EXOC6B: variants seen among roughly 807,000 people sequenced by gnomAD.
The protein encoded by EXOC6B is SEC15 homolog B.
EXOC6B carries 54 observed loss-of-function variants against 113.5 expected under a neutral mutation model. The ratio of observed to expected loss-of-function variants is 0.48; its 90% CI spans 0.38 to 0.60. EXOC6B has a LOEUF of 0.60. EXOC6B is among the 20% of genes least tolerant of loss of function. The probability of loss-of-function intolerance (pLI) is 0.00; values close to 1 mark genes in which losing one functional copy is unlikely to be tolerated. For missense variants in EXOC6B, 797 were observed against 977.5 expected, an observed-to-expected ratio of 0.82 and a Z score of 2.46; for synonymous variants, 357 against 339.0, an observed-to-expected ratio of 1.05 and a Z score of -0.58.
intron 20 of EXOC6B, among the ~76,000 whole-genome samples, chr2:72,223,983 A>G (rs1039979203): frequency 2.6e-5 from 4 of 152,174 alleles, no homozygotes; most frequent in African/African-American, 9.7e-5. Context: ...TTGTTTATAA[A>G]CACAGCCACT....
At chr2:72,603,814 A>G (rs1482238394) in intron 6 of EXOC6B, among the ~76,000 whole-genome samples, 1 of 152,142 alleles carries the variant, frequency 6.6e-6, no homozygotes, top group South Asian at 2.1e-4. Context: ...GGCACTTTAT[A>G]TCTTGGCTCA....
intron 16 of EXOC6B, among the ~76,000 whole-genome samples, chr2:72,489,188 T>G (rs1057048830): frequency 2.6e-5 from 4 of 152,212 alleles, no homozygotes; most frequent in African/African-American, 9.6e-5. Context: ...CTTCTCTCCA[T>G]AGCATTCACT....
At chr2:72,717,726 T>C (rs1235675833) in intron 6 of EXOC6B, among the ~76,000 whole-genome samples, 1 of 152,182 alleles carries the variant, frequency 6.6e-6, no homozygotes, top group East Asian at 1.9e-4. Context: ...CTTGCTTACG[T>C]AGTAAATAAT....
intron 5 of EXOC6B, among the ~76,000 whole-genome samples, chr2:72,729,639 G>C (rs1233770657): frequency 2.0e-5 from 3 of 151,862 alleles, no homozygotes; most frequent in Non-Finnish European, 4.4e-5. Context: ...TGGCCAGGCA[G>C]GTCTTGAACT....
At chr2:72,704,505 CA>C (rs1158905998) in intron 6 of EXOC6B, among the ~76,000 whole-genome samples, 5 of 148,930 alleles carry the variant, frequency 3.4e-5, no homozygotes, top group Non-Finnish European at 6.0e-5. Flanking sequence ...AATAGAGACA[CA>C]AAAAACCCTT....
intron 19 of EXOC6B, among the ~76,000 whole-genome samples, chr2:72,357,690 A>AT (rs1205873269): frequency 1.4e-5 from 1 of 72,236 alleles, no homozygotes; most frequent in African/African-American, 3.5e-4. Context: ...GACTGCCTTT[A>AT]AAAAAAAAAA....
At chr2:72,398,512 C>T (rs894674638) in intron 18 of EXOC6B, among the ~76,000 whole-genome samples, 1 of 152,018 alleles carries the variant, frequency 6.6e-6, no homozygotes, top group Non-Finnish European at 1.5e-5. Flanking sequence ...GCCTGACTAA[C>T]ATGGTGAAAC....
At chr2:72,458,470 G>T (rs1363074729) in intron 18 of EXOC6B, among the ~76,000 whole-genome samples, 1 of 152,102 alleles carries the variant, frequency 6.6e-6, no homozygotes, top group Non-Finnish European at 1.5e-5. Flanking sequence ...ACTTTTAAAA[G>T]TGTAGCTTCA....
At chr2:72,745,436 C>T (rs979889329) in intron 1 of EXOC6B, among the ~76,000 whole-genome samples, 7 of 151,698 alleles carry the variant, frequency 4.6e-5, no homozygotes, top group African/African-American at 1.7e-4. Flanking sequence ...CAGTAGATCG[C>T]CAGAGTATTT....
chr2:72,511,286 G>T (rs373477212), intron 11 of EXOC6B, among the ~76,000 whole-genome samples: 1 of 151,952 alleles, frequency 6.6e-6, no homozygotes, highest in Non-Finnish European at 1.5e-5. Flanking sequence ...TAATCATTTC[G>T]AATGTAAACT....
intron 20 of EXOC6B, among the ~76,000 whole-genome samples, chr2:72,245,590 T>C (rs1682601170): frequency 6.6e-6 from 1 of 152,134 alleles, no homozygotes; most frequent in South Asian, 2.1e-4. Context: ...TGATTCCAAA[T>C]ATATGACATT....
chr2:72,200,574 G>A lies in EXOC6B; in HGVS notation c.2197-16387C>T, dbSNP rs915986062. ...AATGGGACTGATAAAATGATAGACC[G>A]TGAGGAATTGTAGAGAACTGTACTA... On this transcript the variant is annotated intron_variant, in intron 20 of 21. Coordinates refer to ENST00000272427, the MANE Select transcript of EXOC6B (RefSeq NM_015189.3). Among the ~76,000 whole-genome samples, 8 of 152,248 alleles carry A rather than the reference G, an allele frequency of 5.3e-5. No individual in the cohort carries two copies. In the East Asian group the frequency reaches 5.8e-4, roughly 11 times the overall value.
intron 6 of EXOC6B, among the ~76,000 whole-genome samples, chr2:72,600,769 T>G (rs1670377505): frequency 6.6e-6 from 1 of 151,722 alleles, no homozygotes; most frequent in Non-Finnish European, 1.5e-5. Flanking sequence ...CAAGAGAAAA[T>G]CTAGGTAACC....
At position 72,376,388 on chromosome 2, in the gene EXOC6B, T is replaced by G. The variant is rs978109127; in HGVS notation, c.2122+3341A>C. Among the ~76,000 whole-genome samples the G allele has an allele frequency of 1.1e-4, 17 of 152,332 alleles. No individual in the cohort carries two copies. The South Asian group carries it at 3.5e-3, about 32-fold the overall frequency. Reference sequence around the variant, plus strand: ...TTCTTTCAGGACTTTACAGATATTCTACTGCCTTCTGGTTTGCTCTGTTTC... The same window carrying G: ...TTCTTTCAGGACTTTACAGATATTCGACTGCCTTCTGGTTTGCTCTGTTTC... On this transcript the variant is annotated intron_variant, in intron 19 of 21. Coordinates refer to ENST00000272427, the MANE Select transcript of EXOC6B (RefSeq NM_015189.3).
chr2:72,316,235 G>A (rs868805853), intron 20 of EXOC6B, among the ~76,000 whole-genome samples: 22 of 152,168 alleles, frequency 1.4e-4, no homozygotes, highest in African/African-American at 5.3e-4. Context: ...AAGAATATGA[G>A]CAAGTATTTA....
chr2:72,190,131 A>G (rs1174329287), intron 20 of EXOC6B, among the ~76,000 whole-genome samples: 1 of 151,584 alleles, frequency 6.6e-6, no homozygotes, highest in Non-Finnish European at 1.5e-5. Flanking sequence ...CCTGGGCTCA[A>G]GTAATCCTCC....
At chr2:72,422,111 C>G (rs542502644) in intron 18 of EXOC6B, among the ~76,000 whole-genome samples, 2 of 152,342 alleles carry the variant, frequency 1.3e-5, no homozygotes, top group East Asian at 3.9e-4. Context: ...AGCCTCCCAC[C>G]CACTCCATGG....
At chr2:72,802,144 G>A (rs1256929230) in intron 1 of EXOC6B, among the ~76,000 whole-genome samples, 1 of 152,046 alleles carries the variant, frequency 6.6e-6, no homozygotes, top group African/African-American at 2.4e-5. Context: ...CCAACATGGT[G>A]AAACCCCATT....
At chr2:72,245,050 T>C (rs1682563660) in intron 20 of EXOC6B, among the ~76,000 whole-genome samples, 2 of 152,168 alleles carry the variant, frequency 1.3e-5, no homozygotes, top group South Asian at 2.1e-4. Context: ...GTCAAGATAT[T>C]AGCTCTTTCC....
Sources: gnomAD v4.1 joint callset for allele counts (sites outside exome capture counted in the v4.1 genomes callset) on GRCh38, gnomAD v4.1.1 for gene constraint, MANE v1.5 for transcripts, NCBI Gene and HGNC (gene_info 2026-07-23, HGNC 2026-07-21) for gene names.